Variants in WRAP53 observed in about 807,000 individuals in gnomAD.
WRAP53 encodes the protein WD repeat containing antisense to TP53, also known as telomerase Cajal body protein 1.
In WRAP53, 28 loss-of-function variants were observed where a neutral mutation model predicts 56.6. The observed-to-expected ratio is 0.50, with a 90% CI of 0.37 to 0.68. The LOEUF is 0.68. Ranked by LOEUF, WRAP53 falls within the 30% of genes least tolerant of loss-of-function variation. The probability of loss-of-function intolerance (pLI) is 0.00; values close to 1 mark genes in which losing one functional copy is unlikely to be tolerated. For missense variants in WRAP53, 671 were observed against 715.5 expected, an observed-to-expected ratio of 0.94 and a Z score of 0.71; for synonymous variants, 283 against 283.4, an observed-to-expected ratio of 1.00 and a Z score of 0.01.
intron 10 of WRAP53, 23 bp downstream of exon 10, chr17:7,703,150 T>C (rs767018726): frequency 1.9e-6 from 3 of 1,613,784 alleles, no homozygotes; most frequent in Non-Finnish European, 2.5e-6. Context: ...ATTCCAGAGA[T>C]GTTGGGGCTT....
intron 4 of WRAP53, among the ~76,000 whole-genome samples, chr17:7,699,386 A>C (rs1302034761): frequency 6.9e-6 from 1 of 144,562 alleles, no homozygotes; most frequent in Non-Finnish European, 1.5e-5. Context: ...GTGCCACTGC[A>C]CTCAGCCTGG....
rs936989880 is a variant in WRAP53, at chr17:7,689,482, C to T, written c.531-108C>T. 7.8e-6 allele frequency: 10 copies of T among 1,287,184 alleles called. No individual in the cohort carries two copies. In the African/African-American group the frequency reaches 1.5e-4, roughly 19 times the overall value. 79.7% of individuals were successfully genotyped at this position (1,287,184 alleles called of 1,614,324 possible). ...ATCTAGCAGTTTGTGTCTTCTACTT[C>T]CCTCAAGGATTCAGGGGGGCTTACC... On this transcript the variant is annotated intron_variant, in intron 3 of 10. Transcript: ENST00000396463.
chr17:7,703,083 C>G lies in WRAP53; in HGVS notation c.1359C>G (p.Pro453=). 1.2e-6 allele frequency: 2 copies of G among 1,614,040 alleles called. No homozygotes were observed. Among genetic ancestry groups the G allele is most frequent in the Non-Finnish European group, 1.7e-6 (2 of 1,180,014 alleles). ...CTGGCAATGATGGGAAGCCGGAGCC[C>G]GTGTTGAGTTTTCTGCCCCAGAAGG... ...DGPGNDGKPE[P]VLSFLPQKDC... Residue 453 remains proline (P), a synonymous_variant, in exon 10 of 11, where the codon CCC becomes CCG. Transcript: ENST00000396463.
In WRAP53 at chr17:7,702,997, G is replaced by T; in HGVS notation, c.1273G>T (p.Gly425Trp). 6.2e-7 allele frequency: 1 copy of T among 1,613,850 alleles called. No homozygotes were observed. The highest frequency in any genetic ancestry group is 8.5e-7 in the Non-Finnish European group (1 of 1,180,030). ...AATCTCTCCTCTCTCTCGCAGGACC[G>T]GGCAGTTCCTAGTGAGTGGCAGCAC... is the stretch of plus-strand genomic sequence containing the variant. ...QRIYFDLDPT[G>W]QFLVSGSTSG... The change falls in exon 10 of 11, where the codon GGG becomes TGG. Residue 425 changes from glycine (G) to tryptophan (W), a missense_variant. By Grantham distance (184) the Gly-to-Trp change is radical. Transcript: ENST00000396463. This position sits in a 1 kb window ranked among gnomAD's most constrained non-coding sequence, Gnocchi z 5.0.
rs1295280145 is a variant in WRAP53 at position 7,688,968 on chromosome 17, A to C, written c.320A>C (p.Glu107Ala). The change falls in exon 2 of 11, where the codon GAA becomes GCA. Residue 107 changes from glutamate to alanine, a missense_variant. This residue lies in a region of WRAP53 where 406 missense variants were observed against 418.5 expected (regional missense o/e 0.97). Coordinates refer to ENST00000396463, the MANE Select transcript of WRAP53 (RefSeq NM_001143992.2). ...TCTGAAAATACAAGCCTTCCTGCAGAAGAAGCAAACGGGAGCCTTTCTGAA... is the reference window on the plus strand; with the variant it reads ...TCTGAAAATACAAGCCTTCCTGCAGCAGAAGCAAACGGGAGCCTTTCTGAA... ...ELSENTSLPA[E>A]EANGSLSEEE... The C allele has an allele frequency of 5.0e-6, 8 of 1,614,066 alleles. No homozygotes were observed. Among genetic ancestry groups the C allele is most frequent in the Non-Finnish European group, 5.9e-6 (7 of 1,180,052 alleles).
At chr17:7,691,599 G>T (rs1219077529) in intron 4 of WRAP53, among the ~76,000 whole-genome samples, 1 of 151,822 alleles carries the variant, frequency 6.6e-6, no homozygotes, top group Non-Finnish European at 1.5e-5. Context: ...TACCATATTG[G>T]CCAGGATGGT....
At chr17:7,696,785 C>T (rs895095179) in intron 4 of WRAP53, among the ~76,000 whole-genome samples, 1 of 151,874 alleles carries the variant, frequency 6.6e-6, no homozygotes, top group Admixed American at 6.6e-5. Flanking sequence ...CAGGATTGAG[C>T]ACTGGTGTGG....
At chr17:7,697,070 CAG>C (rs2074195695) in intron 4 of WRAP53, among the ~76,000 whole-genome samples, 1 of 152,058 alleles carries the variant, frequency 6.6e-6, no homozygotes. Flanking sequence ...CCTGTAATCC[CAG>C]CACTTTGGGA....
At chr17:7,703,221 A>G (rs781399941) in intron 10 of WRAP53, 22 bp from the exon 11 acceptor site, 1 of 1,611,622 alleles carries the variant, frequency 6.2e-7, no homozygotes, top group South Asian at 1.1e-5. Flanking sequence ...GCACTGATAG[A>G]CCCTCCCCAT....
intron 4 of WRAP53, among the ~76,000 whole-genome samples, chr17:7,693,235 A>T (rs893153739): frequency 1.5e-4 from 22 of 148,802 alleles, no homozygotes; most frequent in African/African-American, 5.6e-4. Flanking sequence ...GGCATGTGGC[A>T]GTTGTGTTGC....
chr17:7,692,210 T>C (rs1452931429), intron 4 of WRAP53, among the ~76,000 whole-genome samples: 4 of 149,902 alleles, frequency 2.7e-5, no homozygotes, highest in Admixed American at 6.6e-5. Flanking sequence ...CCAGGCACGG[T>C]GGCTCACGCC....
At chr17:7,691,606 T>C (rs2074110704) in intron 4 of WRAP53, among the ~76,000 whole-genome samples, 1 of 152,004 alleles carries the variant, frequency 6.6e-6, no homozygotes, top group Non-Finnish European at 1.5e-5. Context: ...TTGGCCAGGA[T>C]GGTCTCGTAC....
chr17:7,699,522 T>TTATATATATATATATATATATATATA (rs1203888377), intron 4 of WRAP53, among the ~76,000 whole-genome samples: 1 of 14,108 alleles, frequency 7.1e-5, no homozygotes, highest in Non-Finnish European at 1.2e-4. Context: ...ATATATATAT[T>TTATATATATATATATATATATATATA]TATATATATA....
Position 7,701,448 on chromosome 17 carries a change from GTC to G in WRAP53, c.732-4_732-3del, listed in dbSNP as rs922386008. On this transcript the variant is annotated splice_polypyrimidine_tract_variant and intron_variant, in intron 5 of 10. Coordinates refer to ENST00000396463, the MANE Select transcript of WRAP53 (RefSeq NM_001143992.2). The surrounding 1 kb of genome is among the most constrained non-coding windows in gnomAD (Gnocchi z 4.2). ...ACAGCACCGGGGTTTCAGTGTCCATGTCTCTCTCAGCGTGGCCAGCAGCAGCC... is the reference window on the plus strand; with the variant it reads ...ACAGCACCGGGGTTTCAGTGTCCATGTCTCTCAGCGTGGCCAGCAGCAGCC... 6.2e-7 allele frequency: 1 copy of G among 1,614,160 alleles called. No individual in the cohort carries two copies.
Position 7,702,559 on chromosome 17 carries a change from G to T in WRAP53, c.1164+7G>T. ...CTTCTCAGGAGCCCGCAAGGTAGGG[G>T]TCACACCCTGAGAGCCCAAAGCAGC... is the stretch of plus-strand genomic sequence containing the variant. On this transcript the variant is annotated splice_region_variant and intron_variant, in intron 8 of 10. Coordinates refer to ENST00000396463, the MANE Select transcript of WRAP53 (RefSeq NM_001143992.2). This position sits in a 1 kb window ranked among gnomAD's most constrained non-coding sequence, Gnocchi z 5.0. 2 of 1,605,892 alleles carry T rather than the reference G, an allele frequency of 1.2e-6. No homozygotes were observed. The highest frequency in any genetic ancestry group is 1.7e-6 in the Non-Finnish European group (2 of 1,179,076).
chr17:7,688,803 G>A lies in WRAP53; in HGVS notation c.155G>A (p.Arg52Gln). The change falls in exon 2 of 11, where the codon CGG becomes CAG. Residue 52 changes from arginine to glutamine, a missense_variant. Arg to Gln is a conservative substitution (Grantham distance 43, BLOSUM62 1). Around this residue, in one of 3 missense-constraint regions of WRAP53, gnomAD observed 406 missense variants for 418.5 expected, o/e 0.97. Transcript: ENST00000396463. ...CCTCCCGAAAGGGGGGATCCGCCCC[G>A]GTTGTCCCCAGATCCTGTGGCTGGC... is the stretch of plus-strand genomic sequence containing the variant. ...PPPPERGDPP[R>Q]LSPDPVAGSA... 6.2e-7 allele frequency: 1 copy of A among 1,614,208 alleles called. No homozygotes were observed. Among genetic ancestry groups the A allele is most frequent in the Non-Finnish European group, 8.5e-7 (1 of 1,180,038 alleles).
chr17:7,686,534 G>T (rs2151079029), upstream of WRAP53: 1 of 152,354 alleles, frequency 6.6e-6, no homozygotes, highest in African/African-American at 2.4e-5. Context: ...TCCAGAAAAA[G>T]AAATGCAGGC....
intron 4 of WRAP53, among the ~76,000 whole-genome samples, chr17:7,694,337 G>A (rs1423857270): frequency 6.8e-6 from 1 of 146,960 alleles, no homozygotes; most frequent in Non-Finnish European, 1.5e-5. Context: ...TCTGTTTCCC[G>A]GTTCAAGCGA....
Position 7,702,505 on chromosome 17 carries a change from C to A in WRAP53, c.1117C>A (p.Leu373Ile). 1 of 1,613,440 alleles carries A rather than the reference C, an allele frequency of 6.2e-7. No individual in the cohort carries two copies. The highest frequency in any genetic ancestry group is 8.5e-7 in the Non-Finnish European group (1 of 1,180,016). ...AGGGCACCAAGGGGGCATCACCCAC[C>A]TCTGCTTTCATCCCGATGGCAACCG... ...LGGHQGGITH[L>I]CFHPDGNRFF... Residue 373 changes from leucine to isoleucine, a missense_variant, in exon 8 of 11, where the codon CTC becomes ATC. Leu to Ile is a conservative substitution (Grantham distance 5). This residue lies in a region of WRAP53 where 158 missense variants were observed against 215.7 expected (regional missense o/e 0.73). Coordinates refer to ENST00000396463, the MANE Select transcript of WRAP53 (RefSeq NM_001143992.2). The surrounding 1 kb of genome is among the most constrained non-coding windows in gnomAD (Gnocchi z 5.0).
Sources: allele counts gnomAD v4.1 joint callset (sites outside exome capture counted in the v4.1 genomes callset), GRCh38; gene constraint gnomAD v4.1.1; regional missense constraint gnomAD v4.1.1; non-coding constraint Gnocchi (gnomAD v3.1); transcripts MANE v1.5; gene names NCBI Gene and HGNC (gene_info 2026-07-23, HGNC 2026-07-21).